Variants in ZNF695 observed in about 807,000 individuals in gnomAD.
The protein encoded by ZNF695 is zinc finger protein 695.
A neutral mutation model predicts 11.2 loss-of-function variants in ZNF695; 11 were observed. The ratio of observed to expected loss-of-function variants is 0.98; its 90% CI spans 0.62 to 1.62. ZNF695 has a LOEUF of 1.62. ZNF695 is among the 40% of genes most tolerant of loss of function. The pLI is 0.00. For synonymous variants in ZNF695, 190 were observed against 201.4 expected (o/e 0.94, Z 0.48); for missense variants, 559 against 590.5 (o/e 0.95, Z 0.55).
chr1:246,980,750 G>C (rs755988850), downstream of ZNF695, among the ~76,000 whole-genome samples: 32 of 151,998 alleles, frequency 2.1e-4, no homozygotes, highest in Middle Eastern at 3.2e-3. Context: ...ACATTTTAGA[G>C]GCATTAAGTG....
At chr1:246,947,178 A>G (rs1572499666) in intron 5 of ZNF695, among the ~76,000 whole-genome samples, 1 of 123,730 alleles carries the variant, frequency 8.1e-6, no homozygotes, top group African/African-American at 3.0e-5. Context: ...ATGGGGTGAT[A>G]GGGTTTTTTA....
chr1:246,999,218 A>G (rs1262187237), intron 3 of ZNF695, 130 bp downstream of exon 3: 1 of 682,064 alleles, frequency 1.5e-6, no homozygotes, highest in East Asian at 2.7e-5. Flanking sequence ...TGTGGGAGCA[A>G]GAGAAAGAAA....
In ZNF695 at chr1:246,987,009, G is replaced by A; in HGVS notation, c.1506C>T (p.Asn502=). ...CATGTACAGCAAGTTGTGCAGAGTG[G>A]TTAAAGGCTTTGCCACATTCCTCAC... ...YKCEECGKAF[N]HSAQLAVHEK... is the part of the protein sequence containing the mutation. The change falls in exon 4 of 4, where the codon AAC becomes AAT. Residue 502 remains asparagine (N), a synonymous_variant. Coordinates refer to ENST00000339986, the MANE Select transcript of ZNF695 (RefSeq NM_020394.5). 1 of 1,608,476 alleles carries A rather than the reference G, an allele frequency of 6.2e-7. No homozygotes were observed. The highest frequency in any genetic ancestry group is 1.1e-5 in the South Asian group (1 of 90,076).
intron 4 of ZNF695, among the ~76,000 whole-genome samples, chr1:246,975,037 C>A (rs115578890): frequency 7.4e-4 from 112 of 152,264 alleles, no homozygotes; most frequent in African/African-American, 2.6e-3. Context: ...ACTCACTGTA[C>A]CATTATTCAT....
intron 5 of ZNF695, among the ~76,000 whole-genome samples, chr1:246,957,787 C>T (rs939213158): frequency 3.9e-5 from 6 of 151,980 alleles, no homozygotes; most frequent in Non-Finnish European, 5.9e-5. Flanking sequence ...GTGCACACCA[C>T]CAAGCCTGGC....
At chr1:246,946,292 CTCCCT>C (rs1301532189) in intron 5 of ZNF695, among the ~76,000 whole-genome samples, 1 of 152,172 alleles carries the variant, frequency 6.6e-6, no homozygotes, top group African/African-American at 2.4e-5. Context: ...ATGAAAATTT[CTCCCT>C]ACAACGTGAC....
At chr1:246,975,163 A>G (rs1668525570) in intron 4 of ZNF695, among the ~76,000 whole-genome samples, 1 of 152,202 alleles carries the variant, frequency 6.6e-6, no homozygotes, top group Non-Finnish European at 1.5e-5. Flanking sequence ...ATCCTTACAT[A>G]TATTGTCATT....
chr1:246,967,323 C>T (rs898720793), intron 5 of ZNF695: 32 of 455,862 alleles, frequency 7.0e-5, no homozygotes, highest in African/African-American at 5.6e-4. Flanking sequence ...GAGGCAAGGA[C>T]AGCTGTTAGA....
At chr1:246,996,454 C>T (rs2103029257) in intron 3 of ZNF695, among the ~76,000 whole-genome samples, 1 of 152,304 alleles carries the variant, frequency 6.6e-6, no homozygotes, top group East Asian at 1.9e-4. Flanking sequence ...GAATATTACT[C>T]AGCTTTTACA....
intron 4 of ZNF695, among the ~76,000 whole-genome samples, chr1:246,970,718 G>T (rs543970380): frequency 3.2e-4 from 49 of 152,350 alleles, no homozygotes; most frequent in African/African-American, 1.2e-3. Context: ...TTAGGGTGAG[G>T]AGTAAAGACC....
chr1:246,987,088 C>A lies in ZNF695; in HGVS notation c.1427G>T (p.Ser476Ile). 1 of 1,613,254 alleles carries A rather than the reference C, an allele frequency of 6.2e-7. No homozygotes were observed. The change falls in exon 4 of 4, where the codon AGC becomes ATC. Residue 476 changes from serine to isoleucine, a missense_variant. Coordinates refer to ENST00000339986, the MANE Select transcript of ZNF695 (RefSeq NM_020394.5). Reference protein sequence around the residue: ...CEECGKAFGQSSHLSKHKTIH... With the variant: ...CEECGKAFGQISHLSKHKTIH... ...TGTCTTATGTTTAGAAAGGTGTGAG[C>A]TCTGGCCAAAGGCTTTGCCACATTC... is the stretch of plus-strand genomic sequence containing the variant.
intron 5 of ZNF695, among the ~76,000 whole-genome samples, chr1:246,961,992 G>A (rs1282674716): frequency 1.3e-5 from 2 of 152,208 alleles, no homozygotes; most frequent in Non-Finnish European, 2.9e-5. Context: ...TGGTGGTGAC[G>A]ATCACTGCTG....
chr1:246,968,328 C>T (rs1461294309), intron 4 of ZNF695: 1 of 152,258 alleles, frequency 6.6e-6, no homozygotes, highest in Non-Finnish European at 1.5e-5. Flanking sequence ...AAATAATATC[C>T]TTTGATTCCA....
At chr1:246,954,284 A>G (rs538802985) in intron 5 of ZNF695, among the ~76,000 whole-genome samples, 1 of 152,316 alleles carries the variant, frequency 6.6e-6, no homozygotes, top group African/African-American at 2.4e-5. Flanking sequence ...ATATTGGCAC[A>G]CACTCCCCAA....
chr1:246,973,653 C>A (rs1668484945), intron 4 of ZNF695, among the ~76,000 whole-genome samples: 1 of 152,194 alleles, frequency 6.6e-6, no homozygotes, highest in African/African-American at 2.4e-5. Flanking sequence ...CACAAAATTA[C>A]AGGCATTTTG....
intron 5 of ZNF695, among the ~76,000 whole-genome samples, chr1:246,948,927 G>A (rs1226200794): frequency 2.0e-5 from 3 of 152,152 alleles, no homozygotes; most frequent in South Asian, 2.1e-4. Flanking sequence ...TTCTGAGAAC[G>A]AAATTACATA....
intron 5 of ZNF695, among the ~76,000 whole-genome samples, chr1:246,946,621 G>T (rs544230019): frequency 6.6e-6 from 1 of 152,358 alleles, no homozygotes; most frequent in African/African-American, 2.4e-5. Context: ...AGAAAACTTG[G>T]TCATGCCAGG....
chr1:246,996,376 CCA>C (rs921179878), intron 3 of ZNF695, among the ~76,000 whole-genome samples: 4 of 151,992 alleles, frequency 2.6e-5, no homozygotes, highest in African/African-American at 9.7e-5. Context: ...CATACTAGCA[CCA>C]CAGATGCCCA....
intron 1 of ZNF695, among the ~76,000 whole-genome samples, chr1:247,006,258 T>A (rs949380393): frequency 6.7e-5 from 10 of 148,984 alleles, no homozygotes; most frequent in African/African-American, 2.2e-4. Context: ...AGCCCATTCA[T>A]TGCACTGTGA....
Sources: allele counts gnomAD v4.1 joint callset (sites outside exome capture counted in the v4.1 genomes callset), GRCh38; gene constraint gnomAD v4.1.1; transcripts MANE v1.5; gene names NCBI Gene and HGNC (gene_info 2026-07-23, HGNC 2026-07-21).